The following ADRA1A variants were observed in gnomAD, a reference collection of about 807,000 sequenced individuals.
ADRA1A encodes the protein adrenoceptor alpha 1A, also known as alpha-1A adrenergic receptor.
ADRA1A carries 31 observed loss-of-function variants against 29.6 expected under a neutral mutation model. The observed-to-expected ratio is 1.05, with a 90% confidence interval of 0.79 to 1.41. The LOEUF (loss-of-function observed/expected upper bound fraction) is 1.41, where lower values mean the gene tolerates loss of function less well. ADRA1A is among the 40% of genes most tolerant of loss of function. The pLI, the probability that ADRA1A is intolerant of heterozygous loss-of-function variation, is 0.00. For synonymous variants in ADRA1A, 311 were observed against 254.3 expected, an observed-to-expected ratio of 1.22 and a Z score of -2.12; for missense variants, 619 against 601.1, an observed-to-expected ratio of 1.03 and a Z score of -0.31.
chr8:26,847,080 G>T (rs1303135200), intron 2 of ADRA1A, among the ~76,000 whole-genome samples: 4 of 152,038 alleles, frequency 2.6e-5, no homozygotes, highest in African/African-American at 4.8e-5. Flanking sequence ...GGGGTGGGGG[G>T]AACAGGGAGG....
intron 2 of ADRA1A, among the ~76,000 whole-genome samples, chr8:26,846,497 A>C (rs1317450768): frequency 6.6e-6 from 1 of 152,162 alleles, no homozygotes; most frequent in African/African-American, 2.4e-5. Flanking sequence ...GGCCAGGCGC[A>C]GTGGCTCATG....
At chr8:26,858,987 T>A (rs181156021) in intron 2 of ADRA1A, 1 of 1,140,456 alleles carries the variant, frequency 8.8e-7, no homozygotes, top group Admixed American at 4.1e-5. Context: ...GTGAGACTTC[T>A]CACAATATAC....
intron 2 of ADRA1A, among the ~76,000 whole-genome samples, chr8:26,814,452 G>A (rs993006508): frequency 1.3e-5 from 2 of 152,120 alleles, no homozygotes; most frequent in Non-Finnish European, 2.9e-5. Flanking sequence ...TGTAGAGATG[G>A]GGTCTTGCTA....
rs1808225955 is a variant in ADRA1A at position 26,796,868 on chromosome 8, T to C, written c.884-26202A>G. ...GGCTTTGTTTTAAAGGCAGATATGT[T>C]CAGGACATATTGGAGAGGTTTATTC... is the stretch of plus-strand genomic sequence containing the variant. On this transcript the variant is annotated intron_variant, in intron 2 of 2. Coordinates refer to ENST00000380573, the MANE Select transcript of ADRA1A (RefSeq NM_000680.4). This position sits in a 1 kb window ranked among gnomAD's most constrained non-coding sequence, Gnocchi z 5.0. 6.6e-6 allele frequency among the ~76,000 whole-genome samples: 1 copy of C among 152,116 alleles called. No individual in the cohort carries two copies. The highest frequency in any genetic ancestry group is 1.5e-5 in the Non-Finnish European group (1 of 67,994).
intron 2 of ADRA1A, among the ~76,000 whole-genome samples, chr8:26,861,303 GTTTTTTTTTTT>G (rs35538353): frequency 8.4e-6 from 1 of 119,674 alleles, no homozygotes; most frequent in Non-Finnish European, 1.7e-5. Flanking sequence ...CAGAGGCTCT[GTTTTTTTTTTT>G]TTTTTTTTTA....
chr8:26,800,205 G>A (rs1211708806), intron 2 of ADRA1A, among the ~76,000 whole-genome samples: 1 of 152,188 alleles, frequency 6.6e-6, no homozygotes, highest in Non-Finnish European at 1.5e-5. Context: ...GTTGCAGTGA[G>A]CTGAGATCGT....
intron 2 of ADRA1A, among the ~76,000 whole-genome samples, chr8:26,842,572 C>T (rs557062580): frequency 4.6e-5 from 7 of 152,250 alleles, no homozygotes; most frequent in Non-Finnish European, 1.0e-4. Flanking sequence ...AGCAGGTCCT[C>T]ATTCAAACCT....
intron 2 of ADRA1A, among the ~76,000 whole-genome samples, chr8:26,786,213 T>A (rs1323357258): frequency 6.7e-6 from 1 of 149,448 alleles, no homozygotes; most frequent in African/African-American, 2.5e-5. Context: ...CTGGCCACCC[T>A]GACCTCTTTT....
intron 2 of ADRA1A, among the ~76,000 whole-genome samples, chr8:26,785,480 C>G (rs1291029546): frequency 6.6e-6 from 1 of 152,198 alleles, no homozygotes; most frequent in East Asian, 1.9e-4. Flanking sequence ...GTGAGCAAAA[C>G]GACTAGGTTA....
At chr8:26,784,140 C>T (rs1292108387) in intron 2 of ADRA1A, among the ~76,000 whole-genome samples, 1 of 152,148 alleles carries the variant, frequency 6.6e-6, no homozygotes, top group Admixed American at 6.5e-5. Flanking sequence ...ACCTATGTAA[C>T]AAATCTGCAC....
At chr8:26,811,452 A>G (rs1215036842) in intron 2 of ADRA1A, among the ~76,000 whole-genome samples, 10 of 152,144 alleles carry the variant, frequency 6.6e-5, no homozygotes, top group Non-Finnish European at 1.2e-4. Flanking sequence ...TCGGCCTCCC[A>G]AAGTGCTGGG....
At position 26,770,061 on chromosome 8, in the gene ADRA1A, T is replaced by C; in HGVS notation, c.*88A>G. 1 of 1,511,284 alleles carries C rather than the reference T, an allele frequency of 6.6e-7. No homozygotes were observed. Among genetic ancestry groups the C allele is most frequent in the Non-Finnish European group, 8.8e-7 (1 of 1,132,478 alleles). The allele number at this position is 1,511,284 out of a possible 1,614,324, so 93.6% of individuals were successfully genotyped here. A position where few individuals can be genotyped will look rare whatever the true frequency, so the allele number is the denominator to read the frequency against. On this transcript the variant is annotated 3_prime_UTR_variant, in exon 3 of 3. Coordinates refer to ENST00000380573, the MANE Select transcript of ADRA1A (RefSeq NM_000680.4). The stretch of plus-strand genomic sequence containing the variant: ...CAGGTCCCCTCTTTGATTGGTCCTG[T>C]CTTGTCCTCCAAGAAGAGCTGGCCT...
chr8:26,766,280 C>T (rs1805779705), downstream of ADRA1A: 2 of 690,498 alleles, frequency 2.9e-6, no homozygotes, highest in Non-Finnish European at 5.1e-6. Flanking sequence ...TCATCAATAA[C>T]TTCAATACAA....
At chr8:26,826,163 A>AT (rs146820749) in intron 2 of ADRA1A, among the ~76,000 whole-genome samples, 222 of 152,266 alleles carry the variant, frequency 1.5e-3, no homozygotes, top group African/African-American at 5.1e-3. Flanking sequence ...AAGTTTCTTC[A>AT]TTTTTTTCCC....
At chr8:26,766,358 C>CT (rs2130244704), downstream of ADRA1A, among the ~76,000 whole-genome samples, 1 of 152,356 alleles carries the variant, frequency 6.6e-6, no homozygotes, top group East Asian at 1.9e-4. Flanking sequence ...CTTCTGCATA[C>CT]TCTTCTATGC....
rs143947423 is a variant in ADRA1A at position 26,770,371 on chromosome 8, G to A, written c.1179C>T (p.Gly393=). Residue 393 remains glycine, a synonymous_variant, in exon 3 of 3, where the codon GGC becomes GGT. Coordinates refer to ENST00000380573, the MANE Select transcript of ADRA1A (RefSeq NM_000680.4). ...AAGAGAAAAATTTCCATTCACAAAC[G>A]CCATCCGTCTTGGAGATCCTGTAGA... The part of the protein sequence containing the change: ...ETFYRISKTD[G]VCEWKFFSSM... 3.7e-5 allele frequency: 59 copies of A among 1,614,060 alleles called. No individual in the cohort carries two copies. Among genetic ancestry groups the A allele is most frequent in the South Asian group, 6.6e-5 (6 of 91,084 alleles).
chr8:26,786,745 G>GC (rs1807419708), intron 2 of ADRA1A, among the ~76,000 whole-genome samples: 1 of 46,522 alleles, frequency 2.1e-5, no homozygotes, highest in African/African-American at 3.2e-4. Flanking sequence ...ATGCTGGGTT[G>GC]GGGGGGGGGG....
At chr8:26,835,019 C>A (rs1184523024) in intron 2 of ADRA1A, among the ~76,000 whole-genome samples, 2 of 152,198 alleles carry the variant, frequency 1.3e-5, no homozygotes, top group East Asian at 3.9e-4. Context: ...AAAAAGAAAG[C>A]CAATGTCAAG....
downstream of ADRA1A, chr8:26,765,720 A>C: frequency 7.6e-5 from 65 of 852,466 alleles, no homozygotes; most frequent in South Asian, 9.5e-5. Flanking sequence ...GCTAATGAGC[A>C]GAGCTCTTTC....
Sources: gnomAD v4.1 joint callset for allele counts (sites outside exome capture counted in the v4.1 genomes callset) on GRCh38, gnomAD v4.1.1 for gene constraint, Gnocchi (gnomAD v3.1) non-coding constraint, MANE v1.5 for transcripts, NCBI Gene and HGNC (gene_info 2026-07-23, HGNC 2026-07-21) for gene names.